Variants in PPP2R5A observed in about 807,000 individuals in gnomAD.
PPP2R5A encodes protein phosphatase 2 regulatory subunit B'alpha.
Under a neutral mutation model 64.2 loss-of-function variants are expected in PPP2R5A, and 25 were observed. That is an observed-to-expected ratio of 0.39 (90% CI 0.28 to 0.54). The LOEUF (loss-of-function observed/expected upper bound fraction) is 0.54. PPP2R5A is among the 20% of genes least tolerant of loss of function. The pLI is 0.67. For synonymous variants in PPP2R5A, 198 were observed against 201.2 expected, an observed-to-expected ratio of 0.98 and a Z score of 0.13; for missense variants, 425 against 576.3, an observed-to-expected ratio of 0.74 and a Z score of 2.69.
At chr1:212,345,692 G>C (rs1659764816) in intron 4 of PPP2R5A, 111 bp from the exon 5 acceptor site, 2 of 1,104,280 alleles carry the variant, frequency 1.8e-6, no homozygotes, top group Non-Finnish European at 2.6e-6. Context: ...TGGTAAGGAA[G>C]AACTCTAAAA....
At chr1:212,348,614 C>A in intron 7 of PPP2R5A, 117 bp downstream of exon 7, 1 of 739,342 alleles carries the variant, frequency 1.4e-6, no homozygotes, top group East Asian at 2.9e-5. Context: ...AATTTGCTTA[C>A]AAAATTACCC....
rs1044341508 is a variant in PPP2R5A, at chr1:212,345,050, A to C, written c.574-753A>C. ...TGTGGTGGCATGTGCCTGTAGTCCC[A>C]GCTAGTTGGGAGGCTGAGGCAGGAG... On this transcript the variant is annotated intron_variant, in intron 4 of 12. Transcript: ENST00000261461. 3.9e-5 allele frequency among the ~76,000 whole-genome samples: 6 copies of C among 152,160 alleles called. No individual in the cohort carries two copies. In the East Asian group the frequency reaches 1.2e-3, roughly 29 times the overall value.
At chr1:212,292,859 A>G (rs1658625251) in intron 1 of PPP2R5A, among the ~76,000 whole-genome samples, 1 of 152,172 alleles carries the variant, frequency 6.6e-6, no homozygotes, top group African/African-American at 2.4e-5. Flanking sequence ...TCACTGCCTC[A>G]CCCAGTTTTT....
intron 4 of PPP2R5A, among the ~76,000 whole-genome samples, 156 bp downstream of exon 4, chr1:212,342,436 T>C (rs1002301140): frequency 6.6e-6 from 1 of 152,360 alleles, no homozygotes. Flanking sequence ...TGAAGTTAGC[T>C]CTGAGAGTAC....
intron 12 of PPP2R5A, among the ~76,000 whole-genome samples, chr1:212,359,997 G>A (rs925090308): frequency 6.6e-6 from 1 of 152,174 alleles, no homozygotes; most frequent in South Asian, 2.1e-4. Context: ...ATAAGCCTAT[G>A]TTTTACATGT....
chr1:212,326,394 G>A (rs2102430975), intron 1 of PPP2R5A, among the ~76,000 whole-genome samples: 1 of 152,092 alleles, frequency 6.6e-6, no homozygotes, highest in South Asian at 2.1e-4. Flanking sequence ...AGGAGTTTGA[G>A]GCCAGGCTGG....
intron 9 of PPP2R5A, 88 bp from the exon 10 acceptor site, chr1:212,356,862 A>G: frequency 3.0e-6 from 4 of 1,317,894 alleles, no homozygotes; most frequent in Non-Finnish European, 3.1e-6. Context: ...ATTGTATACT[A>G]TGCAGATTAA....
intron 1 of PPP2R5A, among the ~76,000 whole-genome samples, chr1:212,295,632 A>G (rs411278): frequency 0.12 from 18,351 of 152,114 alleles, 2,830 homozygotes; most frequent in African/African-American, 0.36. Flanking sequence ...GCCAAGAGAG[A>G]CAGCTGGAGT....
intron 8 of PPP2R5A, among the ~76,000 whole-genome samples, chr1:212,353,443 C>G (rs762536994): frequency 8.5e-5 from 13 of 152,160 alleles, no homozygotes; most frequent in Non-Finnish European, 1.3e-4. Context: ...CTCATGAGAT[C>G]ATCATAGAAG....
intron 1 of PPP2R5A, among the ~76,000 whole-genome samples, chr1:212,303,761 T>C (rs1451269505): frequency 2.6e-5 from 4 of 152,234 alleles, no homozygotes; most frequent in Non-Finnish European, 4.4e-5. Context: ...TGTGTAGTTA[T>C]CACATTTATC....
chr1:212,295,008 G>A (rs57449872), intron 1 of PPP2R5A, among the ~76,000 whole-genome samples: 10,354 of 152,206 alleles, frequency 0.068, 1,153 homozygotes, highest in African/African-American at 0.23. Context: ...CTGTGATCTA[G>A]AATATAGGTT....
chr1:212,341,350 A>G (rs1659681816), intron 3 of PPP2R5A, among the ~76,000 whole-genome samples: 1 of 152,158 alleles, frequency 6.6e-6, no homozygotes, highest in Non-Finnish European at 1.5e-5. Context: ...TGTGGATAGG[A>G]TATGCCTGGT....
At position 212,356,652 on chromosome 1, in the gene PPP2R5A, G is replaced by C; in HGVS notation, c.954G>C (p.Trp318Cys). 6.2e-7 allele frequency: 1 copy of C among 1,611,650 alleles called. No individual in the cohort carries two copies. Among genetic ancestry groups the C allele is most frequent in the Non-Finnish European group, 8.5e-7 (1 of 1,179,000 alleles). The change falls in exon 9 of 13, where the codon TGG becomes TGC. Residue 318 changes from tryptophan to cysteine, a missense_variant. This residue lies in a region of PPP2R5A where 177 missense variants were observed against 244.8 expected (regional missense o/e 0.72). Transcript: ENST00000261461. ...TGATCAGAGGACTGCTGAAATTTTGGCCAAAAACCTGCAGTCAGAAAGAGG... is the reference window on the plus strand; with the variant it reads ...TGATCAGAGGACTGCTGAAATTTTGCCCAAAAACCTGCAGTCAGAAAGAGG... Reference protein sequence around the residue: ...EPVIRGLLKFWPKTCSQKEVM... With the variant: ...EPVIRGLLKFCPKTCSQKEVM...
At chr1:212,333,639 G>T in intron 3 of PPP2R5A, 41 bp downstream of exon 3, 2 of 1,191,740 alleles carry the variant, frequency 1.7e-6, no homozygotes, top group Non-Finnish European at 1.2e-6. Context: ...TTATATTTAT[G>T]CTATTCTGCA....
At chr1:212,356,184 G>A (rs1659974627) in intron 8 of PPP2R5A, among the ~76,000 whole-genome samples, 1 of 151,988 alleles carries the variant, frequency 6.6e-6, no homozygotes, top group Admixed American at 6.6e-5. Context: ...TTTCATAATG[G>A]TTTAAATAAC....
In PPP2R5A at chr1:212,349,310, A is replaced by G. The variant is rs1156537495; in HGVS notation, c.927+68A>G. 14 of 1,168,570 alleles carry G rather than the reference A, an allele frequency of 1.2e-5. No individual in the cohort carries two copies. The East Asian group carries it at 1.7e-4, about 15-fold the overall frequency. The allele number at this position is 1,168,570 out of a possible 1,614,324, so 72.4% of individuals were successfully genotyped here. A position where few individuals can be genotyped will look rare whatever the true frequency, so the allele number is the denominator to read the frequency against. On this transcript the variant is annotated intron_variant, in intron 8 of 12. Transcript: ENST00000261461. ...AGCATTTCATTGTAGCTTTCGTTTT[A>G]TAGCCTTTATAGTTATTAAGTAGAA...
At chr1:212,344,091 C>T (rs567143601) in intron 4 of PPP2R5A, among the ~76,000 whole-genome samples, 71 of 152,282 alleles carry the variant, frequency 4.7e-4, no homozygotes, top group African/African-American at 1.6e-3. Flanking sequence ...CCTGGATCAG[C>T]CTCCCAAGTA....
Position 212,286,025 on chromosome 1 carries a change from C to T in PPP2R5A, c.-86C>T. 1 of 1,362,708 alleles carries T rather than the reference C, an allele frequency of 7.3e-7. No individual in the cohort carries two copies. Among genetic ancestry groups the T allele is most frequent in the Non-Finnish European group, 9.5e-7 (1 of 1,055,220 alleles). The allele number at this position is 1,362,708 out of a possible 1,614,324, so 84.4% of individuals were successfully genotyped here. A position where few individuals can be genotyped will look rare whatever the true frequency, so the allele number is the denominator to read the frequency against. On this transcript the variant is annotated 5_prime_UTR_variant, in exon 1 of 13. Transcript: ENST00000261461. ...GCGCAGGGGCGCGAGCACCCCGCGC[C>T]TCTCCCCCGCCTCCTCCTGCCGTCT... is the stretch of plus-strand genomic sequence containing the variant.
intron 1 of PPP2R5A, among the ~76,000 whole-genome samples, chr1:212,318,217 T>C (rs1659196226): frequency 6.6e-6 from 1 of 152,196 alleles, no homozygotes; most frequent in African/African-American, 2.4e-5. Flanking sequence ...AAGTACAGTT[T>C]AAAATGTGCT....
Sources: gnomAD v4.1 joint callset for allele counts (sites outside exome capture counted in the v4.1 genomes callset) on GRCh38, gnomAD v4.1.1 for gene constraint, gnomAD v4.1.1 regional missense constraint, MANE v1.5 for transcripts, NCBI Gene and HGNC (gene_info 2026-07-23, HGNC 2026-07-21) for gene names.